RGMA: variants seen among roughly 807,000 people sequenced by gnomAD.
RGMA encodes repulsive guidance molecule A.
Under a neutral mutation model 23.2 loss-of-function variants are expected in RGMA, and 10 were observed. The ratio of observed to expected loss-of-function variants is 0.43; its 90% confidence interval spans 0.27 to 0.73. The LOEUF (loss-of-function observed/expected upper bound fraction) is 0.73. Ranked by LOEUF, RGMA falls within the 30% of genes least tolerant of loss-of-function variation. The pLI, the probability that RGMA is intolerant of heterozygous loss-of-function variation, is 0.20. For synonymous variants in RGMA, 308 were observed against 279.3 expected, an observed-to-expected ratio of 1.10 and a Z score of -1.03; for missense variants, 547 against 630.5, an observed-to-expected ratio of 0.87 and a Z score of 1.42.
intron 3 of RGMA, among the ~76,000 whole-genome samples, chr15:93,049,565 C>T (rs752124756): frequency 3.9e-5 from 6 of 152,194 alleles, no homozygotes; most frequent in Admixed American, 6.5e-5. Flanking sequence ...AGATCTTGAT[C>T]GTCCACAAGA....
At position 93,052,419 on chromosome 15, in the gene RGMA, G is replaced by C; in HGVS notation, c.219C>G (p.Pro73=). The C allele has an allele frequency of 6.3e-7, 1 of 1,597,116 alleles. No homozygotes were observed. Among genetic ancestry groups the C allele is most frequent in the South Asian group, 1.1e-5 (1 of 90,878 alleles). ...AGCTGCGCAAGGCTGCACAGAACTC[G>C]GGGGTGTCGTCTGAGGCTGGGGCGT... ...GSHAPASDDT[P]EFCAALRSYA... The change falls in exon 3 of 4, where the codon CCC becomes CCG. Residue 73 remains proline, a synonymous_variant. Transcript: ENST00000329082.
chr15:93,075,273 T>C (rs1596105605), intron 1 of RGMA, among the ~76,000 whole-genome samples: 1 of 152,194 alleles, frequency 6.6e-6, no homozygotes. Flanking sequence ...TTCCATTACA[T>C]ACAGTAGTTT....
At chr15:93,066,158 TA>T in intron 2 of RGMA, 1 of 1,358,310 alleles carries the variant, frequency 7.4e-7, no homozygotes, top group South Asian at 1.2e-5. Context: ...CCAGTTACAT[TA>T]GCGGCTTCTG....
intron 3 of RGMA, among the ~76,000 whole-genome samples, chr15:93,050,734 G>C (rs1345995635): frequency 6.6e-6 from 1 of 152,186 alleles, no homozygotes; most frequent in Non-Finnish European, 1.5e-5. Flanking sequence ...GGAGGAGCGA[G>C]CCACCTGGGG....
chr15:93,087,171 G>C (rs932773348), intron 1 of RGMA, among the ~76,000 whole-genome samples: 7 of 152,142 alleles, frequency 4.6e-5, no homozygotes, highest in Non-Finnish European at 7.3e-5. Flanking sequence ...GTCTCAAGGG[G>C]GTACTACAGT....
intron 1 of RGMA, chr15:93,088,603 G>C (rs1895681817): frequency 1.9e-6 from 2 of 1,065,134 alleles, no homozygotes; most frequent in Middle Eastern, 4.0e-4. Flanking sequence ...GGCTCCGCGA[G>C]CCGGGCTGAG....
chr15:93,050,173 C>T (rs1421631528), intron 3 of RGMA, among the ~76,000 whole-genome samples: 1 of 152,214 alleles, frequency 6.6e-6, no homozygotes, highest in East Asian at 1.9e-4. Context: ...GGTCTTTGCT[C>T]TTCACTAGCC....
chr15:93,052,512 G>T lies in RGMA; in HGVS notation c.131-5C>A. On this transcript the variant is annotated splice_region_variant and splice_polypyrimidine_tract_variant and intron_variant, in intron 2 of 3. Coordinates refer to ENST00000329082, the MANE Select transcript of RGMA (RefSeq NM_020211.3). ...GGATCTTGCACGGGGAGGTGGCTGA[G>T]GAGAAAGGAACGAACACACCGTCGG... 6.4e-7 allele frequency: 1 copy of T among 1,563,056 alleles called. No homozygotes were observed. Among genetic ancestry groups the T allele is most frequent in the East Asian group, 2.3e-5 (1 of 43,950 alleles).
intron 2 of RGMA, among the ~76,000 whole-genome samples, chr15:93,054,423 G>A (rs943472880): frequency 9.2e-5 from 14 of 152,140 alleles, no homozygotes; most frequent in African/African-American, 7.2e-5. Context: ...GTCAAGGGTG[G>A]GGCCAGGTGG....
chr15:93,073,750 C>T (rs1485703206), intron 1 of RGMA: 1 of 1,537,184 alleles, frequency 6.5e-7, no homozygotes, highest in Non-Finnish European at 8.7e-7. Flanking sequence ...GGCCCCAGGC[C>T]ACCCATCCTG....
intron 3 of RGMA, among the ~76,000 whole-genome samples, chr15:93,049,615 T>C (rs2054885159): frequency 6.6e-6 from 1 of 152,174 alleles, no homozygotes; most frequent in African/African-American, 2.4e-5. Flanking sequence ...GCCAGTATCA[T>C]GAGAAACAAA....
intron 3 of RGMA, among the ~76,000 whole-genome samples, chr15:93,051,412 C>T (rs1343109881): frequency 6.6e-6 from 1 of 152,248 alleles, no homozygotes; most frequent in Non-Finnish European, 1.5e-5. Flanking sequence ...AACTGGGAGC[C>T]ACCAGCTTCC....
intron 2 of RGMA, among the ~76,000 whole-genome samples, chr15:93,055,327 G>A (rs1019250070): frequency 3.3e-5 from 5 of 152,240 alleles, no homozygotes; most frequent in African/African-American, 7.2e-5. Flanking sequence ...TCTCCACCAC[G>A]ACCAAATCTG....
At chr15:93,067,759 C>T (rs566545533) in intron 2 of RGMA, among the ~76,000 whole-genome samples, 3 of 152,174 alleles carry the variant, frequency 2.0e-5, no homozygotes, top group East Asian at 3.9e-4. Context: ...AGTCGGGGGC[C>T]GGGAGTTAGA....
chr15:93,054,593 T>C (rs1049701507), intron 2 of RGMA, among the ~76,000 whole-genome samples: 2 of 152,328 alleles, frequency 1.3e-5, no homozygotes, highest in East Asian at 3.9e-4. Context: ...CCTTCTGTCA[T>C]GATTGTGAGG....
chr15:93,044,432 A>AAAGGTTCCAGCAGTCTGCT lies in RGMA; in HGVS notation c.*547_*565dup. The AAAGGTTCCAGCAGTCTGCT allele has an allele frequency of 6.4e-6, 1 of 155,136 alleles. No individual in the cohort carries two copies. Among genetic ancestry groups the AAAGGTTCCAGCAGTCTGCT allele is most frequent in the Non-Finnish European group, 1.4e-5 (1 of 70,008 alleles). The allele number at this position is 155,136 out of a possible 1,614,324, so 9.6% of individuals were successfully genotyped here. ...CCAGGCGGGCACGACCTACTGGCCAAAAGGTTCCAGCAGTCTGCTAAGGTG... is the reference window on the plus strand; with the variant it reads ...CCAGGCGGGCACGACCTACTGGCCAAAAGGTTCCAGCAGTCTGCTAAGGTTCCAGCAGTCTGCTAAGGTG... On this transcript the variant is annotated 3_prime_UTR_variant, in exon 4 of 4. Coordinates refer to ENST00000329082, the MANE Select transcript of RGMA (RefSeq NM_020211.3).
At chr15:93,060,227 C>A (rs1157815160) in intron 2 of RGMA, among the ~76,000 whole-genome samples, 1 of 152,232 alleles carries the variant, frequency 6.6e-6, no homozygotes, top group Non-Finnish European at 1.5e-5. Context: ...CCTTGGTAAG[C>A]CTTGCAACCT....
At chr15:93,088,859 T>G (rs1857019914) in intron 1 of RGMA, 60 bp downstream of exon 1, 3 of 1,443,486 alleles carry the variant, frequency 2.1e-6, no homozygotes, top group African/African-American at 1.5e-5. Flanking sequence ...CCCCGGCATG[T>G]GTCGGCGGCG....
At chr15:93,065,496 C>T (rs556648608) in intron 2 of RGMA, 25 of 509,822 alleles carry the variant, frequency 4.9e-5, no homozygotes, top group Admixed American at 1.1e-4. Context: ...TTATGGGAAA[C>T]GGGGAACAGG....
Sources: allele counts gnomAD v4.1 joint callset (sites outside exome capture counted in the v4.1 genomes callset), GRCh38; gene constraint gnomAD v4.1.1; transcripts MANE v1.5; gene names NCBI Gene and HGNC (gene_info 2026-07-23, HGNC 2026-07-21).